The following SCN1A variants were observed in gnomAD, a reference collection of about 807,000 sequenced individuals.
SCN1A encodes sodium channel protein type 1 subunit alpha.
A neutral mutation model predicts 193.7 loss-of-function variants in SCN1A; 13 were observed. That is an observed-to-expected ratio of 0.07 (90% CI 0.04 to 0.11). The LOEUF (loss-of-function observed/expected upper bound fraction) is 0.11, where lower values mean the gene tolerates loss of function less well. Among genes scored for constraint, SCN1A ranks in the 10% least tolerant of loss-of-function variants. The pLI, the probability that SCN1A is intolerant of heterozygous loss-of-function variation, is 1.00. For missense variants in SCN1A, 1,432 were observed against 2,451.1 expected (o/e 0.58, Z 8.78); for synonymous variants, 781 against 843.6 (o/e 0.93, Z 1.29).
Position 166,052,904 on chromosome 2 carries a change from T to C in SCN1A, c.642A>G (p.Ala214=). The change falls in exon 8 of 29, where the codon GCA becomes GCG. Residue 214 remains alanine, a synonymous_variant. Coordinates refer to ENST00000674923, the MANE Select transcript of SCN1A (RefSeq NM_001165963.4). ...CTCGGAGAACTCTGAATGTTCTCAATGCCGAGACATTGCCCAGGTCCACAA... is the reference window on the plus strand; with the variant it reads ...CTCGGAGAACTCTGAATGTTCTCAACGCCGAGACATTGCCCAGGTCCACAA... ...TEFVDLGNVS[A]LRTFRVLRAL... 1 of 1,612,542 alleles carries C rather than the reference T, an allele frequency of 6.2e-7. No individual in the cohort carries two copies. Among genetic ancestry groups the C allele is most frequent in the South Asian group, 1.1e-5 (1 of 91,034 alleles).
rs1444978365 is a variant in SCN1A, at chr2:165,992,654, A to T, written c.4853-232T>A. On this transcript the variant is annotated intron_variant, in intron 28 of 28. Coordinates refer to ENST00000674923, the MANE Select transcript of SCN1A (RefSeq NM_001165963.4). This position sits in a 1 kb window ranked among gnomAD's most constrained non-coding sequence, Gnocchi z 6.5. ...TATAGTACTTTTTTTTATCTTTAAG[A>T]GATGTTTATAAACTACTTTTAGTTT... The T allele has an allele frequency of 2.0e-5, 4 of 204,866 alleles. No individual in the cohort carries two copies. In the Admixed American group the frequency reaches 2.4e-4, roughly 12 times the overall value. The allele number at this position is 204,866 out of a possible 1,614,324, so 12.7% of individuals were successfully genotyped here.
At chr2:166,103,496 C>T (rs995088309) in intron 2 of SCN1A, among the ~76,000 whole-genome samples, 2 of 146,116 alleles carry the variant, frequency 1.4e-5, no homozygotes, top group Non-Finnish European at 3.0e-5. Context: ...TAAATAAATA[C>T]TGAGGAAGTA....
intron 7 of SCN1A, chr2:166,053,261 A>G (rs1375534788): frequency 3.3e-6 from 2 of 603,770 alleles, no homozygotes; most frequent in Non-Finnish European, 5.9e-6. Flanking sequence ...ATTAGATTCC[A>G]TCATTAATCT....
chr2:166,079,627 ACAGTTACTAAAAG>A (rs1685294304), intron 2 of SCN1A, among the ~76,000 whole-genome samples: 1 of 150,928 alleles, frequency 6.6e-6, no homozygotes, highest in Non-Finnish European at 1.5e-5. Context: ...ATGGACAGAA[ACAGTTACTAAAAG>A]CCTTCCTATT....
chr2:166,013,106 A>C (rs1692760902), intron 21 of SCN1A, among the ~76,000 whole-genome samples: 1 of 151,352 alleles, frequency 6.6e-6, no homozygotes, highest in African/African-American at 2.4e-5. Flanking sequence ...TTTCCCTAAA[A>C]TGCTATCTGT....
chr2:166,066,005 T>G (rs1046084515), intron 4 of SCN1A, among the ~76,000 whole-genome samples: 2 of 152,174 alleles, frequency 1.3e-5, no homozygotes, highest in Non-Finnish European at 2.9e-5. Context: ...TGCCATATGC[T>G]CACACAAAAG....
At chr2:166,086,453 G>C (rs1212785958) in intron 2 of SCN1A, among the ~76,000 whole-genome samples, 1 of 152,150 alleles carries the variant, frequency 6.6e-6, no homozygotes, top group Non-Finnish European at 1.5e-5. Flanking sequence ...CCACAAAGGG[G>C]CATGAAGCTC....
chr2:166,008,369 A>T (rs1266607927), intron 23 of SCN1A, among the ~76,000 whole-genome samples: 1 of 151,206 alleles, frequency 6.6e-6, no homozygotes. Flanking sequence ...AAGCCATATA[A>T]AATATATTAT....
chr2:166,014,485 G>A (rs144094248), intron 20 of SCN1A, among the ~76,000 whole-genome samples: 8 of 150,714 alleles, frequency 5.3e-5, no homozygotes, highest in Non-Finnish European at 1.2e-4. Context: ...CAATCAACAG[G>A]TACTTCTGAG....
chr2:166,011,429 T>C (rs1304658120), intron 22 of SCN1A, among the ~76,000 whole-genome samples: 1 of 151,102 alleles, frequency 6.6e-6, no homozygotes, highest in Admixed American at 6.6e-5. Context: ...TATTAATCAT[T>C]GGGGATACAA....
At chr2:166,026,679 CTT>C (rs35750460) in intron 19 of SCN1A, among the ~76,000 whole-genome samples, 1,288 of 97,594 alleles carry the variant, frequency 0.013, 26 homozygotes, top group Admixed American at 0.088. Flanking sequence ...TTCTTTCTTT[CTT>C]TTTTTTTTTT....
At position 166,058,637 on chromosome 2, in the gene SCN1A, A is replaced by C; in HGVS notation, c.316T>G (p.Ser106Ala). The C allele has an allele frequency of 6.2e-7, 1 of 1,612,682 alleles. No individual in the cohort carries two copies. The change falls in exon 5 of 29, where the codon TCT becomes GCT. Residue 106 changes from serine to alanine, a missense_variant. Physicochemically the swap from Ser to Ala is moderately conservative, Grantham distance 99. Coordinates refer to ENST00000674923, the MANE Select transcript of SCN1A (RefSeq NM_001165963.4). ...AAGGGAGTTAAAATGTACAGGGCAG[A>C]GGTGGCACTGAACCGGAAGATGGCC... ...GKAIFRFSAT[S>A]ALYILTPFNP...
At position 165,992,194 on chromosome 2, in the gene SCN1A, T is replaced by A. The variant is rs121918777; in HGVS notation, c.5081A>T (p.Tyr1694Phe). 1 of 1,613,788 alleles carries A rather than the reference T, an allele frequency of 6.2e-7. No individual in the cohort carries two copies. The highest frequency in any genetic ancestry group is 2.2e-5 in the East Asian group (1 of 44,842). Residue 1694 changes from tyrosine to phenylalanine, a missense_variant, in exon 29 of 29, where the codon TAT (tyrosine) becomes TTT (phenylalanine). By Grantham distance (22) the Tyr-to-Phe change is conservative. Transcript: ENST00000674923. This position sits in a 1 kb window ranked among gnomAD's most constrained non-coding sequence, Gnocchi z 6.5. ...ATCGATCCCAACTTCCCTCTTAACA[T>A]AGGCAAAGTTGGACATCCCAAAGAT... ...YAIFGMSNFA[Y>F]VKREVGIDDM...
At chr2:166,074,872 G>A (rs1358157708) in intron 3 of SCN1A, among the ~76,000 whole-genome samples, 1 of 152,112 alleles carries the variant, frequency 6.6e-6, no homozygotes, top group African/African-American at 2.4e-5. Flanking sequence ...ATTGTTGTGA[G>A]GTTTATAACC....
intron 1 of SCN1A, among the ~76,000 whole-genome samples, chr2:166,144,984 G>A (rs1056695152): frequency 4.0e-4 from 61 of 151,264 alleles, no homozygotes; most frequent in African/African-American, 1.5e-3. Flanking sequence ...TCTGAGTAGC[G>A]CACCACCATG....
chr2:166,133,710 G>A (rs552907766), intron 1 of SCN1A: 1 of 152,164 alleles, frequency 6.6e-6, no homozygotes, highest in Admixed American at 6.6e-5. Flanking sequence ...AATATTTAGT[G>A]AAGATGACAC....
At chr2:166,040,006 G>A (rs1696953531) in intron 16 of SCN1A, among the ~76,000 whole-genome samples, 1 of 145,126 alleles carries the variant, frequency 6.9e-6, no homozygotes, top group African/African-American at 2.5e-5. Flanking sequence ...CTCACTGCAA[G>A]CTCCTGGGTT....
chr2:165,995,532 C>A (rs1387838836), intron 27 of SCN1A, among the ~76,000 whole-genome samples: 1 of 151,806 alleles, frequency 6.6e-6, no homozygotes, highest in Non-Finnish European at 1.5e-5. Flanking sequence ...TACTGGAATT[C>A]TTTCCTCCTT....
chr2:166,131,781 T>G (rs1290137058), upstream of SCN1A, among the ~76,000 whole-genome samples: 1 of 152,200 alleles, frequency 6.6e-6, no homozygotes, highest in Non-Finnish European at 1.5e-5. Context: ...GTTGTGGAGT[T>G]CTGAAACTTT....
Sources: gnomAD v4.1 joint callset for allele counts (sites outside exome capture counted in the v4.1 genomes callset) on GRCh38, gnomAD v4.1.1 for gene constraint, Gnocchi (gnomAD v3.1) non-coding constraint, MANE v1.5 for transcripts, NCBI Gene and HGNC (gene_info 2026-07-23, HGNC 2026-07-21) for gene names.